RBFOX1: variants seen among roughly 807,000 people sequenced by gnomAD.
RBFOX1 encodes the protein RNA binding fox-1 homolog 1.
A neutral mutation model predicts 57.7 loss-of-function variants in RBFOX1; 8 were observed. That is an observed-to-expected ratio of 0.14 (90% CI 0.08 to 0.25). The LOEUF is 0.25. RBFOX1 is among the 10% of genes least tolerant of loss of function. RBFOX1 has a pLI of 1.00. For missense variants in RBFOX1, 611 were observed against 548.5 expected (o/e 1.11, Z -1.14); for synonymous variants, 326 against 222.4 (o/e 1.47, Z -4.15).
At chr16:7,540,243 G>A (rs992056316) in intron 5 of RBFOX1, among the ~76,000 whole-genome samples, 7 of 152,002 alleles carry the variant, frequency 4.6e-5, no homozygotes, top group South Asian at 4.1e-4. Flanking sequence ...TCCAGATCTC[G>A]CTGTTTCCCT....
intron 4 of RBFOX1, among the ~76,000 whole-genome samples, chr16:7,320,333 G>T (rs924187527): frequency 6.6e-6 from 1 of 152,044 alleles, no homozygotes; most frequent in Non-Finnish European, 1.5e-5. Context: ...GGAGTGTCTG[G>T]TTTTCTGTTC....
At chr16:7,474,426 T>C (rs11077187) in intron 4 of RBFOX1, among the ~76,000 whole-genome samples, 135,017 of 152,186 alleles carry the variant, frequency 0.89, 61,409 homozygotes, top group East Asian at 1. Context: ...GTATTCATGC[T>C]TCTAATGTTT....
chr16:7,128,366 G>A (rs2069176805), intron 4 of RBFOX1, among the ~76,000 whole-genome samples: 2 of 141,654 alleles, frequency 1.4e-5, no homozygotes, highest in African/African-American at 5.1e-5. Context: ...AGCTATTGCT[G>A]TGTAATGAGC....
intron 3 of RBFOX1, among the ~76,000 whole-genome samples, chr16:6,667,631 T>G (rs2098740877): frequency 6.6e-6 from 1 of 152,068 alleles, no homozygotes; most frequent in Non-Finnish European, 1.5e-5. Context: ...CCTGGAATCC[T>G]AGCGCTTTTT....
chr16:6,976,559 A>G (rs1421012321), intron 3 of RBFOX1, among the ~76,000 whole-genome samples: 2 of 151,938 alleles, frequency 1.3e-5, no homozygotes, highest in East Asian at 3.9e-4. Context: ...GTTTATTAGG[A>G]AAGGCAAGTG....
At position 5,257,009 on chromosome 16, in the gene RBFOX1, T is replaced by C. The variant is rs532215131; in HGVS notation, c.219+16904T>C. Reference sequence around the variant, plus strand: ...GGGGGAGGCAATTTGTCAAAGATTGTTGTTGGATTTTACACACAGGGAAAT... The same window carrying C: ...GGGGGAGGCAATTTGTCAAAGATTGCTGTTGGATTTTACACACAGGGAAAT... On this transcript the variant is annotated intron_variant, in intron 1 of 2. Coordinates refer to the RBFOX1 transcript ENST00000585867. Among the ~76,000 whole-genome samples, 182 of 151,918 alleles carry C rather than the reference T, an allele frequency of 1.2e-3. 1 individual carries two copies. Among genetic ancestry groups the C allele is most frequent in the African/African-American group, 4.2e-3 (175 of 41,432 alleles).
intron 3 of RBFOX1, among the ~76,000 whole-genome samples, chr16:6,932,682 C>T (rs2076756527): frequency 6.6e-6 from 1 of 152,294 alleles, no homozygotes; most frequent in South Asian, 2.1e-4. Context: ...AGTGCTCAAA[C>T]ACATGTCTCT....
intron 4 of RBFOX1, among the ~76,000 whole-genome samples, chr16:7,127,554 C>G (rs1022006335): frequency 6.6e-6 from 1 of 152,014 alleles, no homozygotes; most frequent in South Asian, 2.1e-4. Context: ...TGTGTATGCA[C>G]GAGCGTGCAT....
At position 6,019,370 on chromosome 16, in the gene RBFOX1, C is replaced by A; in HGVS notation, c.-749C>A. On this transcript the variant is annotated 5_prime_UTR_variant, in exon 1 of 16. Transcript: ENST00000550418. The surrounding 1 kb of genome is among the most constrained non-coding windows in gnomAD (Gnocchi z 4.2). ...CAGCCAGAGTCGGTGGGACTGGCTG[C>A]GCTGCCCTGAAGTGGTTCTCCAAGC... is the stretch of plus-strand genomic sequence containing the variant. The A allele has an allele frequency of 2.0e-6, 2 of 985,540 alleles. No individual in the cohort carries two copies. Among genetic ancestry groups the A allele is most frequent in the Non-Finnish European group, 2.4e-6 (2 of 830,152 alleles). 61.0% of individuals were successfully genotyped at this position (985,540 alleles called of 1,614,324 possible).
In RBFOX1 at chr16:7,712,625, G is replaced by A. The variant is rs531524255; in HGVS notation, c.*1880G>A. The A allele has an allele frequency of 1.8e-4, 28 of 152,544 alleles. No individual in the cohort carries two copies. The highest frequency in any genetic ancestry group is 6.3e-4 in the African/African-American group (26 of 41,526). 9.4% of individuals were successfully genotyped at this position (152,544 alleles called of 1,614,324 possible). ...TGTTCTTTTCACCAGACTTCTTTGGGTGGGTGAGGGGAGGGGCAAGAGGGT... is the reference window on the plus strand; with the variant it reads ...TGTTCTTTTCACCAGACTTCTTTGGATGGGTGAGGGGAGGGGCAAGAGGGT... On this transcript the variant is annotated 3_prime_UTR_variant, in exon 16 of 16. Coordinates refer to ENST00000550418, the MANE Select transcript of RBFOX1 (RefSeq NM_018723.4).
intron 3 of RBFOX1, among the ~76,000 whole-genome samples, chr16:6,855,370 G>A (rs889606994): frequency 1.3e-5 from 2 of 152,126 alleles, no homozygotes; most frequent in Non-Finnish European, 2.9e-5. Context: ...AAGAGATCTT[G>A]GCCGGGCGCA....
chr16:5,856,185 C>CTATATATATATATATATATATATATATA (rs1222713846), intron 3 of RBFOX1, among the ~76,000 whole-genome samples: 1 of 39,888 alleles, frequency 2.5e-5, no homozygotes, highest in African/African-American at 1.2e-4. Context: ...CTCTCTCTCT[C>CTATATATATATATATATATATATATATA]TCTATATATA....
chr16:6,836,179 T>C (rs920982039), intron 3 of RBFOX1, among the ~76,000 whole-genome samples: 3 of 152,220 alleles, frequency 2.0e-5, no homozygotes, highest in African/African-American at 7.2e-5. Flanking sequence ...TAACGCATTA[T>C]TGAATATGTT....
At chr16:5,270,561 C>T (rs2062979211) in intron 1 of RBFOX1, 1 of 590,110 alleles carries the variant, frequency 1.7e-6, no homozygotes. Context: ...GTGAAGACTA[C>T]CGATGGTTAC....
At chr16:5,315,631 C>T (rs544134324) in intron 1 of RBFOX1, among the ~76,000 whole-genome samples, 25 of 152,276 alleles carry the variant, frequency 1.6e-4, no homozygotes, top group African/African-American at 4.8e-4. Context: ...CTGTTTGTCA[C>T]GTACAGAAAG....
intron 2 of RBFOX1, among the ~76,000 whole-genome samples, chr16:6,605,338 G>A (rs936210425): frequency 1.3e-5 from 2 of 152,122 alleles, no homozygotes; most frequent in African/African-American, 4.8e-5. Flanking sequence ...AGCTTTTACA[G>A]GTAGCTGTCT....
intron 2 of RBFOX1, among the ~76,000 whole-genome samples, chr16:6,526,665 C>T (rs1237069183): frequency 1.3e-5 from 2 of 151,310 alleles, no homozygotes; most frequent in Non-Finnish European, 2.9e-5. Context: ...CCCGTGTCTA[C>T]TAAAAATACA....
chr16:7,257,195 A>C (rs960946162), intron 4 of RBFOX1, among the ~76,000 whole-genome samples: 4 of 152,110 alleles, frequency 2.6e-5, no homozygotes, highest in African/African-American at 9.7e-5. Flanking sequence ...ATTAAGACTT[A>C]ATCGCTAACA....
chr16:5,419,672 C>T (rs1377170618), intron 1 of RBFOX1, among the ~76,000 whole-genome samples: 1 of 152,056 alleles, frequency 6.6e-6, no homozygotes, highest in Non-Finnish European at 1.5e-5. Context: ...AGACATCACT[C>T]CCATGGTTGA....
Sources: allele counts gnomAD v4.1 joint callset (sites outside exome capture counted in the v4.1 genomes callset), GRCh38; gene constraint gnomAD v4.1.1; non-coding constraint Gnocchi (gnomAD v3.1); transcripts MANE v1.5; gene names NCBI Gene and HGNC (gene_info 2026-07-23, HGNC 2026-07-21).